Variants in GABRB2 observed in about 807,000 individuals in gnomAD.
GABRB2 encodes gamma-aminobutyric acid receptor subunit beta-2.
Under a neutral mutation model 54.7 loss-of-function variants are expected in GABRB2, and 16 were observed. That is an observed-to-expected ratio of 0.29 (90% CI 0.20 to 0.44). The LOEUF is 0.44. GABRB2 is among the 20% of genes least tolerant of loss of function. The pLI is 1.00. For missense variants in GABRB2, 355 were observed against 644.0 expected (o/e 0.55, Z 4.86); for synonymous variants, 244 against 233.8 (o/e 1.04, Z -0.40).
intron 5 of GABRB2, among the ~76,000 whole-genome samples, chr5:161,408,959 T>C (rs934851017): frequency 2.6e-5 from 4 of 152,218 alleles, no homozygotes; most frequent in Admixed American, 2.0e-4. Context: ...GTTTAGTTAG[T>C]AGACAACCTA....
intron 4 of GABRB2, among the ~76,000 whole-genome samples, chr5:161,452,048 A>G (rs1382025106): frequency 6.6e-6 from 1 of 152,184 alleles, no homozygotes; most frequent in Non-Finnish European, 1.5e-5. Context: ...TAAATAATAT[A>G]CAGCCAACTT....
chr5:161,487,516 A>G (rs761322230), intron 3 of GABRB2, among the ~76,000 whole-genome samples: 1 of 151,908 alleles, frequency 6.6e-6, no homozygotes, highest in Non-Finnish European at 1.5e-5. Context: ...TTTTTGGCAT[A>G]TGGAGTCAAA....
At chr5:161,388,641 T>A (rs955993092) in intron 5 of GABRB2, among the ~76,000 whole-genome samples, 5 of 151,982 alleles carry the variant, frequency 3.3e-5, no homozygotes, top group Admixed American at 3.3e-4. Context: ...AAATAATAAT[T>A]CTTAATGCAC....
intron 3 of GABRB2, among the ~76,000 whole-genome samples, chr5:161,466,603 T>C (rs1192121249): frequency 6.6e-6 from 1 of 151,996 alleles, no homozygotes; most frequent in Non-Finnish European, 1.5e-5. Flanking sequence ...TTACTTTCCA[T>C]TTACCCTCAT....
intron 3 of GABRB2, among the ~76,000 whole-genome samples, chr5:161,504,650 G>T (rs561048242): frequency 6.9e-6 from 1 of 145,442 alleles, no homozygotes; most frequent in African/African-American, 2.5e-5. Flanking sequence ...ATTTTAAAAA[G>T]AAATGCAAAT....
At chr5:161,460,966 G>A (rs1031651825) in intron 3 of GABRB2, among the ~76,000 whole-genome samples, 1 of 152,148 alleles carries the variant, frequency 6.6e-6, no homozygotes, top group African/African-American at 2.4e-5. Context: ...GGAATCTGTA[G>A]AGGCCCTAAG....
chr5:161,491,490 GATC>G (rs1049396922), intron 3 of GABRB2, among the ~76,000 whole-genome samples: 8 of 151,618 alleles, frequency 5.3e-5, no homozygotes, highest in Non-Finnish European at 8.9e-5. Flanking sequence ...GCAATTATTT[GATC>G]ATCTGATAAG....
chr5:161,310,761 A>G (rs1229943573), intron 9 of GABRB2, among the ~76,000 whole-genome samples: 1 of 143,264 alleles, frequency 7.0e-6, no homozygotes, highest in African/African-American at 2.7e-5. Context: ...GTTATGCTAC[A>G]GCATTTTTTT....
At chr5:161,344,139 A>G (rs1470877708) in intron 5 of GABRB2, among the ~76,000 whole-genome samples, 1 of 152,116 alleles carries the variant, frequency 6.6e-6, no homozygotes, top group Non-Finnish European at 1.5e-5. Context: ...CCAAAGAAGA[A>G]CAAAATTTTT....
chr5:161,375,179 A>G (rs568662826), intron 5 of GABRB2, among the ~76,000 whole-genome samples: 1 of 152,328 alleles, frequency 6.6e-6, no homozygotes, highest in South Asian at 2.1e-4. Flanking sequence ...TAAGCATTCA[A>G]TGACTATTTA....
At chr5:161,366,518 CCAGT>C (rs1384987705) in intron 5 of GABRB2, among the ~76,000 whole-genome samples, 2 of 152,044 alleles carry the variant, frequency 1.3e-5, no homozygotes, top group African/African-American at 2.4e-5. Context: ...TATCCAAATG[CCAGT>C]CAATCTGGGT....
intron 3 of GABRB2, among the ~76,000 whole-genome samples, chr5:161,536,420 C>T (rs1167541712): frequency 6.6e-6 from 1 of 152,150 alleles, no homozygotes; most frequent in Non-Finnish European, 1.5e-5. Context: ...CTTTACTCCA[C>T]TTTATGCTTC....
chr5:161,543,478 A>G (rs1760881885), intron 3 of GABRB2, among the ~76,000 whole-genome samples: 1 of 152,186 alleles, frequency 6.6e-6, no homozygotes, highest in African/African-American at 2.4e-5. Flanking sequence ...GTTTCACAAA[A>G]TCTCATTTTG....
intron 9 of GABRB2, among the ~76,000 whole-genome samples, chr5:161,305,884 A>G (rs1163647139): frequency 2.6e-5 from 4 of 152,234 alleles, no homozygotes; most frequent in South Asian, 2.1e-4. Flanking sequence ...GGGATTATAC[A>G]TATTGTCAAT....
chr5:161,377,189 C>T (rs1025840262), intron 5 of GABRB2, among the ~76,000 whole-genome samples: 4 of 152,074 alleles, frequency 2.6e-5, no homozygotes, highest in African/African-American at 7.2e-5. Context: ...ATAAACATCA[C>T]TTAATGAGTT....
chr5:161,479,025 G>A (rs572032692), intron 3 of GABRB2, among the ~76,000 whole-genome samples: 1 of 151,982 alleles, frequency 6.6e-6, no homozygotes. Flanking sequence ...CAAGCTTGTA[G>A]AACCTGAGAG....
chr5:161,364,630 G>A (rs543793183), intron 5 of GABRB2, among the ~76,000 whole-genome samples: 13 of 151,982 alleles, frequency 8.6e-5, no homozygotes, highest in African/African-American at 2.4e-4. Context: ...ATAGGTGTAC[G>A]CCCATAGCAT....
At chr5:161,429,926 A>T (rs1327923859) in intron 4 of GABRB2, among the ~76,000 whole-genome samples, 1 of 152,228 alleles carries the variant, frequency 6.6e-6, no homozygotes, top group Non-Finnish European at 1.5e-5. Flanking sequence ...ACCTGTGGGA[A>T]AGAAGGCCCA....
chr5:161,421,447 A>T (rs1214542282), intron 4 of GABRB2, among the ~76,000 whole-genome samples: 1 of 152,178 alleles, frequency 6.6e-6, no homozygotes, highest in Non-Finnish European at 1.5e-5. Context: ...TGGAGGAAAA[A>T]ATATGTGCAA....
Sources: gnomAD v4.1 joint callset for allele counts (sites outside exome capture counted in the v4.1 genomes callset) on GRCh38, gnomAD v4.1.1 for gene constraint, MANE v1.5 for transcripts, NCBI Gene and HGNC (gene_info 2026-07-23, HGNC 2026-07-21) for gene names.